Variants in NFIB observed in about 807,000 individuals in gnomAD.
NFIB encodes the protein nuclear factor I B.
Under a neutral mutation model 61.5 loss-of-function variants are expected in NFIB, and 11 were observed. The observed-to-expected ratio is 0.18, with a 90% CI of 0.11 to 0.30. The LOEUF is 0.30. NFIB is among the 10% of genes least tolerant of loss of function. The pLI, the probability that NFIB is intolerant of heterozygous loss-of-function variation, is 1.00. For synonymous variants in NFIB, 260 were observed against 216.5 expected, an observed-to-expected ratio of 1.20 and a Z score of -1.76; for missense variants, 471 against 608.9, an observed-to-expected ratio of 0.77 and a Z score of 2.38.
the NFIB span, among the ~76,000 whole-genome samples, chr9:14,459,669 A>T: frequency 1.3e-5 from 2 of 152,216 alleles, no homozygotes; most frequent in Admixed American, 1.3e-4. Flanking sequence ...ACAAATTTAC[A>T]AGAAAAAAAC....
chr9:14,188,627 A>G (rs2131533123), intron 2 of NFIB, among the ~76,000 whole-genome samples: 1 of 152,370 alleles, frequency 6.6e-6, no homozygotes, highest in Non-Finnish European at 1.5e-5. Context: ...CCCATATCTT[A>G]TAATATTAGA....
At chr9:14,500,123 A>G in the NFIB span, among the ~76,000 whole-genome samples, 1 of 152,104 alleles carries the variant, frequency 6.6e-6, no homozygotes. Context: ...AAATTTCTCC[A>G]GCATATGTAG....
intron 1 of NFIB, among the ~76,000 whole-genome samples, chr9:14,341,231 C>G (rs1011021739): frequency 7.2e-5 from 11 of 152,178 alleles, no homozygotes; most frequent in Admixed American, 7.2e-4. Flanking sequence ...GCACTCACAG[C>G]TGTCAGAACT....
intron 1 of NFIB, among the ~76,000 whole-genome samples, chr9:14,388,804 T>G (rs1481006749): frequency 6.6e-6 from 1 of 152,208 alleles, no homozygotes; most frequent in Non-Finnish European, 1.5e-5. Context: ...ATGTGTTCAA[T>G]CTAGGTAGTA....
intron 1 of NFIB, among the ~76,000 whole-genome samples, chr9:14,356,939 T>C (rs55852226): frequency 0.056 from 8,491 of 152,274 alleles, 315 homozygotes; most frequent in South Asian, 0.14. Context: ...GAAAATATTA[T>C]AGCGGAATGT....
chr9:14,105,927 T>C (rs1313841451), intron 10 of NFIB, among the ~76,000 whole-genome samples: 1 of 152,136 alleles, frequency 6.6e-6, no homozygotes, highest in Non-Finnish European at 1.5e-5. Context: ...GGTGATTCCT[T>C]AGTTTCTGTC....
intron 1 of NFIB, among the ~76,000 whole-genome samples, chr9:14,376,639 C>T (rs1437088981): frequency 4.0e-5 from 6 of 151,718 alleles, no homozygotes; most frequent in African/African-American, 1.5e-4. Flanking sequence ...CCGTCAACCT[C>T]CCCAGTAGCT....
chr9:14,198,197 A>T (rs2048658342), intron 2 of NFIB, among the ~76,000 whole-genome samples: 1 of 152,146 alleles, frequency 6.6e-6, no homozygotes, highest in Admixed American at 6.5e-5. Flanking sequence ...CCCTTCCATA[A>T]CAGAAATCAC....
chr9:14,339,584 T>A (rs942364545), intron 1 of NFIB, among the ~76,000 whole-genome samples: 4 of 152,236 alleles, frequency 2.6e-5, no homozygotes, highest in Admixed American at 2.6e-4. Context: ...TACTACCATC[T>A]GCAAATATCA....
chr9:14,340,841 G>T (rs974737729), intron 1 of NFIB, among the ~76,000 whole-genome samples: 1 of 148,878 alleles, frequency 6.7e-6, no homozygotes, highest in Admixed American at 6.7e-5. Context: ...GTCCGGAAAT[G>T]AGTTACTGAC....
the NFIB span, among the ~76,000 whole-genome samples, chr9:14,433,686 T>C: frequency 2.0e-5 from 3 of 152,148 alleles, no homozygotes; most frequent in African/African-American, 7.2e-5. Flanking sequence ...TAATAATAAT[T>C]ACATGCCCAC....
At chr9:14,358,287 T>G (rs2061199915) in intron 1 of NFIB, among the ~76,000 whole-genome samples, 1 of 150,982 alleles carries the variant, frequency 6.6e-6, no homozygotes, top group Non-Finnish European at 1.5e-5. Flanking sequence ...ATAAAACTGC[T>G]AAAAACTAAA....
intron 7 of NFIB, among the ~76,000 whole-genome samples, chr9:14,121,303 TCAAA>T (rs966589248): frequency 5.5e-4 from 83 of 152,162 alleles, no homozygotes; most frequent in African/African-American, 1.7e-3. Flanking sequence ...AAGCCCCATC[TCAAA>T]CAAACAAACA....
chr9:14,449,064 CT>C, the NFIB span, among the ~76,000 whole-genome samples: 1 of 152,132 alleles, frequency 6.6e-6, no homozygotes, highest in Non-Finnish European at 1.5e-5. Context: ...CTTTAAGTTC[CT>C]GAAAAATTTG....
At chr9:14,316,135 A>T (rs2060534189), upstream of NFIB, among the ~76,000 whole-genome samples, 2 of 152,182 alleles carry the variant, frequency 1.3e-5, no homozygotes, top group Non-Finnish European at 2.9e-5. Context: ...AGTGGGAGTT[A>T]TCCACATCAA....
At chr9:14,405,252 A>G in the NFIB span, among the ~76,000 whole-genome samples, 3,235 of 152,346 alleles carry the variant, frequency 0.021, 42 homozygotes, top group Non-Finnish European at 0.034. Context: ...TATAGGGAGC[A>G]GAGCCTCCTC....
intron 2 of NFIB, among the ~76,000 whole-genome samples, chr9:14,194,110 A>G (rs1311700153): frequency 6.6e-6 from 1 of 152,220 alleles, no homozygotes; most frequent in African/African-American, 2.4e-5. Flanking sequence ...CCTGAAATGT[A>G]TTTTAGTCAA....
chr9:14,213,290 A>C (rs369877253), intron 2 of NFIB, among the ~76,000 whole-genome samples: 5 of 151,150 alleles, frequency 3.3e-5, no homozygotes, highest in East Asian at 3.9e-4. Flanking sequence ...TTACCTATCC[A>C]CCAGCAGGTT....
the NFIB span, among the ~76,000 whole-genome samples, chr9:14,409,917 C>T: frequency 1.3e-5 from 2 of 152,058 alleles, no homozygotes; most frequent in Non-Finnish European, 2.9e-5. Context: ...AAACCTGTTG[C>T]TAAAGCAAAA....
Sources: allele counts gnomAD v4.1 joint callset (sites outside exome capture counted in the v4.1 genomes callset), GRCh38; gene constraint gnomAD v4.1.1; transcripts MANE v1.5; gene names NCBI Gene and HGNC (gene_info 2026-07-23, HGNC 2026-07-21).